SLC25A20: variants seen among roughly 807,000 people sequenced by gnomAD.
The protein encoded by SLC25A20 is solute carrier family 25 member 20.
Under a neutral mutation model 39.7 loss-of-function variants are expected in SLC25A20, and 29 were observed. The ratio of observed to expected loss-of-function variants is 0.73; its 90% CI spans 0.54 to 1.00. The LOEUF is 1.00. Among genes scored for constraint, SLC25A20 ranks in the 50% least tolerant of loss-of-function variants. The pLI, the probability that SLC25A20 is intolerant of heterozygous loss-of-function variation, is 0.00. For missense variants in SLC25A20, 333 were observed against 379.9 expected, an observed-to-expected ratio of 0.88 and a Z score of 1.03; for synonymous variants, 103 against 142.2, an observed-to-expected ratio of 0.72 and a Z score of 1.96.
chr3:48,862,465 C>T, intron 5 of SLC25A20, 77 bp downstream of exon 5: 2 of 885,484 alleles, frequency 2.3e-6, no homozygotes, highest in Non-Finnish European at 1.9e-6. Context: ...ATCTGGCAAT[C>T]CAGGCAAGAC....
At chr3:48,898,586 A>G in intron 1 of SLC25A20, 104 bp downstream of exon 1, 8 of 1,039,164 alleles carry the variant, frequency 7.7e-6, no homozygotes, top group Non-Finnish European at 1.2e-5. Flanking sequence ...ACGGAAGCTC[A>G]CACATGCCCC....
chr3:48,878,862 GGTTTTGTTTT>G (rs1414869815), intron 4 of SLC25A20, among the ~76,000 whole-genome samples: 1 of 150,978 alleles, frequency 6.6e-6, no homozygotes, highest in Non-Finnish European at 1.5e-5. Context: ...GCTGGTTTTT[GGTTTTGTTTT>G]GTTTTGGTTT....
At chr3:48,872,770 G>A (rs1318115849) in intron 4 of SLC25A20, among the ~76,000 whole-genome samples, 1 of 152,006 alleles carries the variant, frequency 6.6e-6, no homozygotes, top group Non-Finnish European at 1.5e-5. Context: ...GGCTGAGGCA[G>A]AAGAACTGTT....
At chr3:48,888,206 C>G (rs2083846492) in intron 2 of SLC25A20, among the ~76,000 whole-genome samples, 1 of 106,090 alleles carries the variant, frequency 9.4e-6, no homozygotes, top group African/African-American at 3.7e-5. Flanking sequence ...GACTCCATCT[C>G]GAAAAAAAAA....
intron 1 of SLC25A20, among the ~76,000 whole-genome samples, chr3:48,893,050 A>G (rs780620690): frequency 6.6e-6 from 1 of 151,440 alleles, no homozygotes; most frequent in African/African-American, 2.4e-5. Flanking sequence ...TTTTGGAGAC[A>G]AGGTTTCACT....
At chr3:48,874,010 C>A (rs6446253) in intron 4 of SLC25A20, among the ~76,000 whole-genome samples, 1 of 145,220 alleles carries the variant, frequency 6.9e-6, no homozygotes, top group African/African-American at 2.6e-5. Flanking sequence ...AGACTTAGGG[C>A]GAGCATGATG....
At chr3:48,864,825 C>T (rs578054401) in intron 4 of SLC25A20, among the ~76,000 whole-genome samples, 1 of 152,158 alleles carries the variant, frequency 6.6e-6, no homozygotes, top group South Asian at 2.1e-4. Flanking sequence ...AGTAGTATGG[C>T]CACAATGGAG....
chr3:48,859,687 T>A, intron 5 of SLC25A20, 60 bp from the exon 6 acceptor site: 1 of 1,301,936 alleles, frequency 7.7e-7, no homozygotes, highest in Non-Finnish European at 1.1e-6. Flanking sequence ...GGCATGGTGG[T>A]ACACACCTGT....
chr3:48,883,276 G>C (rs1212549131), intron 3 of SLC25A20, among the ~76,000 whole-genome samples: 1 of 149,200 alleles, frequency 6.7e-6, no homozygotes, highest in Admixed American at 6.7e-5. Flanking sequence ...AGTTGGGCCA[G>C]GCACAGTGGC....
chr3:48,859,515 A>G (rs2083606583), intron 6 of SLC25A20, 40 bp downstream of exon 6: 2 of 1,539,718 alleles, frequency 1.3e-6, no homozygotes, highest in South Asian at 1.1e-5. Context: ...CAACGCACCC[A>G]TGACTGGGGA....
chr3:48,894,095 A>G (rs2083896198), intron 1 of SLC25A20, among the ~76,000 whole-genome samples: 1 of 141,658 alleles, frequency 7.1e-6, no homozygotes, highest in African/African-American at 2.6e-5. Flanking sequence ...CGGGAGGCAG[A>G]GGTTGTGGTG....
At chr3:48,857,933 G>A (rs975018398) in intron 8 of SLC25A20, among the ~76,000 whole-genome samples, 161 bp from the exon 9 acceptor site, 1 of 151,622 alleles carries the variant, frequency 6.6e-6, no homozygotes, top group African/African-American at 2.4e-5. Flanking sequence ...ATTTTTAAGA[G>A]GAGAAGAAAA....
At position 48,860,811 on chromosome 3, in the gene SLC25A20, G is replaced by GTAT. The variant is rs927606962; in HGVS notation, c.536-1187_536-1185dup. Among the ~76,000 whole-genome samples, 60 of 146,696 alleles carry GTAT rather than the reference G, an allele frequency of 4.1e-4. 1 individual carries two copies. In the South Asian group the frequency reaches 0.012, roughly 29 times the overall value. On this transcript the variant is annotated intron_variant, in intron 5 of 8. Coordinates refer to ENST00000319017, the MANE Select transcript of SLC25A20 (RefSeq NM_000387.6). ...TCAAAAAAAAAAGAAAAAGAATATA[G>GTAT]TATTATTATTATTATTACTTTACTT...
intron 1 of SLC25A20, among the ~76,000 whole-genome samples, chr3:48,897,704 G>C (rs1057231200): frequency 3.9e-5 from 6 of 152,060 alleles, no homozygotes; most frequent in African/African-American, 1.4e-4. Flanking sequence ...AAGAGGAAGT[G>C]CCCACAAAAC....
chr3:48,867,151 A>C (rs961168992), intron 4 of SLC25A20, among the ~76,000 whole-genome samples: 1 of 151,594 alleles, frequency 6.6e-6, no homozygotes, highest in African/African-American at 2.4e-5. Context: ...CATGTTGCCC[A>C]GGCTGGTCTC....
chr3:48,863,670 A>G (rs1340361046), intron 4 of SLC25A20, among the ~76,000 whole-genome samples: 1 of 152,230 alleles, frequency 6.6e-6, no homozygotes, highest in African/African-American at 2.4e-5. Flanking sequence ...AGAAACACTT[A>G]CAAATACATA....
In SLC25A20 at chr3:48,891,436, C is replaced by A. The variant is rs542329186; in HGVS notation, c.198+544G>T. Among the ~76,000 whole-genome samples the A allele has an allele frequency of 7.2e-5, 11 of 152,268 alleles. No individual in the cohort carries two copies. In the East Asian group the frequency reaches 2.1e-3, roughly 29 times the overall value. Reference sequence around the variant, plus strand: ...CCAGGTTGGAGTGCAGTGGTGCAATCTTGGCTCACTGCAAACTCTACCTCC... The same window carrying A: ...CCAGGTTGGAGTGCAGTGGTGCAATATTGGCTCACTGCAAACTCTACCTCC... On this transcript the variant is annotated intron_variant, in intron 2 of 8. Transcript: ENST00000319017.
At chr3:48,858,791 G>A in intron 7 of SLC25A20, 160 bp from the exon 8 acceptor site, 2 of 851,152 alleles carry the variant, frequency 2.3e-6, no homozygotes, top group Non-Finnish European at 3.8e-6. Context: ...ACAAATGCCT[G>A]AATTACTTGT....
chr3:48,887,828 G>A (rs562183187), intron 2 of SLC25A20, among the ~76,000 whole-genome samples: 22 of 151,962 alleles, frequency 1.4e-4, no homozygotes, highest in Non-Finnish European at 2.6e-4. Flanking sequence ...GCTTGAACCC[G>A]GGAGGCGGAG....
Sources: allele counts gnomAD v4.1 joint callset (sites outside exome capture counted in the v4.1 genomes callset), GRCh38; gene constraint gnomAD v4.1.1; transcripts MANE v1.5; gene names NCBI Gene and HGNC (gene_info 2026-07-23, HGNC 2026-07-21).